CACNA1C: variants seen among roughly 807,000 people sequenced by gnomAD.
The protein encoded by CACNA1C is calcium voltage-gated channel subunit alpha1 C.
CACNA1C carries 30 observed loss-of-function variants against 229.0 expected under a neutral mutation model. That is an observed-to-expected ratio of 0.13 (90% CI 0.10 to 0.18). The LOEUF is 0.18. Ranked by LOEUF, CACNA1C falls within the 10% of genes least tolerant of loss-of-function variation. The pLI, the probability that CACNA1C is intolerant of heterozygous loss-of-function variation, is 1.00. For synonymous variants in CACNA1C, 1,114 were observed against 1,132.5 expected (o/e 0.98, Z 0.33); for missense variants, 1,658 against 2,845.0 (o/e 0.58, Z 9.49).
chr12:2,695,732 C>A lies in CACNA1C; in HGVS notation c.*4533C>A, dbSNP rs1324844377. On this transcript the variant is annotated 3_prime_UTR_variant, in exon 47 of 47. Coordinates refer to ENST00000399655, the MANE Select transcript of CACNA1C (RefSeq NM_000719.7). The stretch of plus-strand genomic sequence containing the variant: ...TGGAAGGGAGTCCCATGGGCAGATG[C>A]TTACACGACCTCTTTGTGAAGCCTC... The A allele has an allele frequency of 6.6e-6, 1 of 152,240 alleles. No individual in the cohort carries two copies. The highest frequency in any genetic ancestry group is 1.5e-5 in the Non-Finnish European group (1 of 68,038). The allele number at this position is 152,240 out of a possible 1,614,324, so 9.4% of individuals were successfully genotyped here.
At chr12:2,299,714 A>G (rs765861850) in intron 3 of CACNA1C, among the ~76,000 whole-genome samples, 2 of 152,076 alleles carry the variant, frequency 1.3e-5, no homozygotes, top group Non-Finnish European at 2.9e-5. Flanking sequence ...AACCACCGAA[A>G]GGGGAAAACT....
At chr12:2,056,196 AGTGTGTGTGTGTGTGTGTGTGTGTGT>A (rs138718348) in intron 1 of CACNA1C, among the ~76,000 whole-genome samples, 2,427 of 146,126 alleles carry the variant, frequency 0.017, 63 homozygotes, top group African/African-American at 0.057. Context: ...AGTGTGTGTG[AGTGTGTGTGTGTGTGTGTGTGTGTGT>A]GTGTGTGTGT....
chr12:2,051,414 T>C (rs2052192341), upstream of CACNA1C, among the ~76,000 whole-genome samples: 1 of 152,204 alleles, frequency 6.6e-6, no homozygotes, highest in Non-Finnish European at 1.5e-5. Context: ...GTGAAATGGG[T>C]AACCATGGAT....
chr12:2,258,728 T>C (rs1459327800), intron 3 of CACNA1C, among the ~76,000 whole-genome samples: 1 of 152,256 alleles, frequency 6.6e-6, no homozygotes, highest in Admixed American at 6.5e-5. Context: ...AGATAACTCG[T>C]ATTTTAAGAC....
Position 2,651,523 on chromosome 12 carries a change from A to C in CACNA1C, c.3946-117A>C. ...ATCGGAGGGGGAAGTCTAGTGCAGC[A>C]AACCCTGGCCTGCCTTCCGCCACTG... On this transcript the variant is annotated intron_variant, in intron 31 of 46. Transcript: ENST00000399655. This position sits in a 1 kb window ranked among gnomAD's most constrained non-coding sequence, Gnocchi z 5.4. The C allele has an allele frequency of 8.2e-5, 124 of 1,516,814 alleles. No homozygotes were observed. The highest frequency in any genetic ancestry group is 9.6e-5 in the African/African-American group (7 of 72,734). The allele number at this position is 1,516,814 out of a possible 1,614,324, so 94.0% of individuals were successfully genotyped here.
intron 3 of CACNA1C, among the ~76,000 whole-genome samples, chr12:2,439,623 G>A (rs2099196748): frequency 6.6e-6 from 1 of 152,140 alleles, no homozygotes; most frequent in South Asian, 2.1e-4. Flanking sequence ...GGGCAGGGAG[G>A]AAAGCATACT....
At chr12:2,207,383 T>C (rs539722933) in intron 3 of CACNA1C, among the ~76,000 whole-genome samples, 9 of 152,374 alleles carry the variant, frequency 5.9e-5, no homozygotes, top group Non-Finnish European at 1.2e-4. Context: ...GTTTGTGTGA[T>C]AGTTCTACTA....
At chr12:2,492,305 A>G (rs141965283) in intron 6 of CACNA1C, among the ~76,000 whole-genome samples, 78 of 152,244 alleles carry the variant, frequency 5.1e-4, no homozygotes, top group Non-Finnish European at 6.6e-4. Context: ...AATTAGTCCA[A>G]CTGCTGCATT....
chr12:2,068,090 C>T (rs1438474248), intron 1 of CACNA1C, among the ~76,000 whole-genome samples: 1 of 152,144 alleles, frequency 6.6e-6, no homozygotes, highest in Non-Finnish European at 1.5e-5. Flanking sequence ...TGGTTGGATC[C>T]CACTTGAGCT....
At chr12:2,591,469 G>A (rs918598904) in intron 18 of CACNA1C, among the ~76,000 whole-genome samples, 5 of 152,144 alleles carry the variant, frequency 3.3e-5, no homozygotes, top group African/African-American at 1.2e-4. Flanking sequence ...TAGGGAGAAG[G>A]GACAGACATT....
intron 3 of CACNA1C, among the ~76,000 whole-genome samples, chr12:2,316,559 G>A (rs1388388976): frequency 1.3e-5 from 2 of 152,214 alleles, no homozygotes; most frequent in Non-Finnish European, 2.9e-5. Flanking sequence ...GACAAGGAAA[G>A]CCCTTGGTCA....
At chr12:2,157,743 T>C (rs1344944217) in intron 3 of CACNA1C, among the ~76,000 whole-genome samples, 1 of 152,080 alleles carries the variant, frequency 6.6e-6, no homozygotes, top group African/African-American at 2.4e-5. Context: ...TCCCTAAATG[T>C]CCCTAAATAT....
chr12:2,586,012 CTCTG>C, intron 18 of CACNA1C, 108 bp downstream of exon 18: 1 of 610,786 alleles, frequency 1.6e-6, no homozygotes, highest in Non-Finnish European at 2.9e-6. Flanking sequence ...TCCAGTGTCC[CTCTG>C]TAAGTACCTT....
At chr12:2,018,042 C>T (rs2045703487) in intron 1 of CACNA1C, among the ~76,000 whole-genome samples, 1 of 152,204 alleles carries the variant, frequency 6.6e-6, no homozygotes, top group African/African-American at 2.4e-5. Flanking sequence ...AAACAGGCCA[C>T]AGGCCAGAGG....
intron 5 of CACNA1C, among the ~76,000 whole-genome samples, chr12:2,473,901 C>T (rs747700646): frequency 2.6e-5 from 4 of 152,120 alleles, no homozygotes; most frequent in Non-Finnish European, 5.9e-5. Context: ...GCATTTTGTT[C>T]GAGTTACATA....
chr12:2,005,146 GA>G (rs71441670), intron 1 of CACNA1C, among the ~76,000 whole-genome samples: 30,641 of 130,922 alleles, frequency 0.23, 3,214 homozygotes, highest in African/African-American at 0.28. Context: ...AGTTACAAAA[GA>G]AAAAAAAAAA....
chr12:2,357,903 G>C (rs111779743), intron 3 of CACNA1C, among the ~76,000 whole-genome samples: 6,268 of 150,610 alleles, frequency 0.042, 186 homozygotes, highest in East Asian at 0.13. Flanking sequence ...CCCAGGAGGT[G>C]GAGGTTACAG....
rs947603896 is a variant in CACNA1C at position 1,971,161 on chromosome 12, G to A, written c.99G>A (p.Val33=). 1 of 1,289,000 alleles carries A rather than the reference G, an allele frequency of 7.8e-7. No homozygotes were observed. Among genetic ancestry groups the A allele is most frequent in the African/African-American group, 1.5e-5 (1 of 65,806 alleles). 79.8% of individuals were successfully genotyped at this position (1,289,000 alleles called of 1,614,324 possible). A position where few individuals can be genotyped will look rare whatever the true frequency, so the allele number is the denominator to read the frequency against. The change falls in exon 1 of 47, where the codon GTG becomes GTA. Residue 33 remains valine, a synonymous_variant. Transcript: ENST00000682462. The surrounding 1 kb of genome is among the most constrained non-coding windows in gnomAD (Gnocchi z 4.2). ...AGGTCAAGTTTAAGGGTACTTTGGT[G>A]CATGAAGCTCAACTCAACTATTTCT...
chr12:2,135,303 A>T (rs1280260611), intron 3 of CACNA1C, among the ~76,000 whole-genome samples: 8 of 146,596 alleles, frequency 5.5e-5, no homozygotes, highest in Non-Finnish European at 9.0e-5. Flanking sequence ...TTCTTCTCTC[A>T]GCTCGTCAAA....
Sources: allele counts gnomAD v4.1 joint callset (sites outside exome capture counted in the v4.1 genomes callset), GRCh38; gene constraint gnomAD v4.1.1; non-coding constraint Gnocchi (gnomAD v3.1); transcripts MANE v1.5; gene names NCBI Gene and HGNC (gene_info 2026-07-23, HGNC 2026-07-21).